TRIM37: variants seen among roughly 807,000 people sequenced by gnomAD.
TRIM37 encodes the protein E3 ubiquitin-protein ligase TRIM37.
Under a neutral mutation model 129.8 loss-of-function variants are expected in TRIM37, and 80 were observed. The ratio of observed to expected loss-of-function variants is 0.62; its 90% CI spans 0.51 to 0.74. TRIM37 has a LOEUF of 0.74. Ranked by LOEUF, TRIM37 falls within the 30% of genes least tolerant of loss-of-function variation. The pLI, the probability that TRIM37 is intolerant of heterozygous loss-of-function variation, is 0.00. For missense variants in TRIM37, 1,054 were observed against 1,176.5 expected, an observed-to-expected ratio of 0.90 and a Z score of 1.52; for synonymous variants, 389 against 387.1, an observed-to-expected ratio of 1.00 and a Z score of -0.06.
intron 8 of TRIM37, among the ~76,000 whole-genome samples, chr17:59,073,687 A>G (rs1232768542): frequency 1.3e-5 from 2 of 152,224 alleles, no homozygotes; most frequent in Non-Finnish European, 2.9e-5. Context: ...GAAGCCTTGA[A>G]TTCCTGGGCT....
intron 12 of TRIM37, 62 bp downstream of exon 12, chr17:59,060,970 A>G: frequency 7.9e-7 from 1 of 1,259,218 alleles, no homozygotes; most frequent in Non-Finnish European, 1.2e-6. Context: ...AAATTAACAA[A>G]AATTGCTAGG....
At chr17:59,085,609 A>C (rs1484973030) in intron 4 of TRIM37, among the ~76,000 whole-genome samples, 1 of 152,194 alleles carries the variant, frequency 6.6e-6, no homozygotes, top group Non-Finnish European at 1.5e-5. Context: ...AAAATGGTAC[A>C]GTCACTATGG....
chr17:58,968,417 G>A, the TRIM37 span, among the ~76,000 whole-genome samples: 10 of 152,028 alleles, frequency 6.6e-5, no homozygotes, highest in South Asian at 2.1e-3. Flanking sequence ...AAAGTGAGAC[G>A]CTGACTCCAA....
intron 5 of TRIM37, among the ~76,000 whole-genome samples, chr17:59,081,955 A>AC (rs1204088877): frequency 9.1e-4 from 107 of 117,566 alleles, no homozygotes; most frequent in Non-Finnish European, 1.7e-3. Context: ...AAAAAAAATA[A>AC]AAAAAAAAAA....
chr17:58,996,469 CAAAA>C (rs776770215), downstream of TRIM37, among the ~76,000 whole-genome samples: 1 of 79,048 alleles, frequency 1.3e-5, no homozygotes. Context: ...GAACCTGTCT[CAAAA>C]AAAAAAAAAA....
chr17:59,001,432 T>G (rs2033740319), intron 23 of TRIM37, among the ~76,000 whole-genome samples, 166 bp downstream of exon 23: 1 of 149,704 alleles, frequency 6.7e-6, no homozygotes, highest in African/African-American at 2.5e-5. Context: ...CCAAAGAATG[T>G]TGTCTCACAA....
intron 16 of TRIM37, among the ~76,000 whole-genome samples, chr17:59,046,623 G>A (rs1219997273): frequency 1.3e-5 from 2 of 149,392 alleles, no homozygotes. Flanking sequence ...TGCAAGCTCC[G>A]CCTCCCGGGT....
chr17:59,060,553 A>G (rs1388222401), intron 12 of TRIM37, among the ~76,000 whole-genome samples: 1 of 152,224 alleles, frequency 6.6e-6, no homozygotes, highest in African/African-American at 2.4e-5. Flanking sequence ...ACAATTATCT[A>G]AAACCACTTT....
In TRIM37 at chr17:59,057,037, T is replaced by G. The variant is rs772711368; in HGVS notation, c.1037A>C (p.Glu346Ala). ...ATCATTACAGGACTGGTGAACCATC[T>G]CTACACGATATTCATATCTAAAATT... The part of the protein sequence containing the change: ...PETSKYEYRV[E>A]MVHQSCNDPT... The change falls in exon 13 of 24, where the codon GAG becomes GCG. Residue 346 changes from glutamate to alanine, a missense_variant. Coordinates refer to ENST00000262294, the MANE Select transcript of TRIM37 (RefSeq NM_015294.6). 5.6e-6 allele frequency: 9 copies of G among 1,613,612 alleles called. 1 individual carries two copies. In the South Asian group the frequency reaches 8.8e-5, roughly 16 times the overall value.
In TRIM37 at chr17:59,098,922, C is replaced by T. The variant is rs185224813; in HGVS notation, c.123+5371G>A. On this transcript the variant is annotated intron_variant, in intron 2 of 23. Coordinates refer to ENST00000262294, the MANE Select transcript of TRIM37 (RefSeq NM_015294.6). ...AAATAGGCTAGGCGCGGTGGCTCAA[C>T]GCCTGTAATCCCAGCACTTTGGGAG... Among the ~76,000 whole-genome samples, 1,092 of 152,172 alleles carry T rather than the reference C, an allele frequency of 7.2e-3. 9 individuals are homozygous for T. Among genetic ancestry groups the T allele is most frequent in the Non-Finnish European group, 0.011 (777 of 67,994 alleles).
chr17:58,998,166 G>A (rs1392435110), downstream of TRIM37: 1 of 967,364 alleles, frequency 1.0e-6, no homozygotes, highest in East Asian at 1.1e-4. Flanking sequence ...AAAAGAAGGG[G>A]TTTCTGGTCC....
In TRIM37 at chr17:59,015,663, T is replaced by G; in HGVS notation, c.2523A>C (p.Ala841=). 6.2e-7 allele frequency: 1 copy of G among 1,614,130 alleles called. No homozygotes were observed. The change falls in exon 21 of 24, where the codon GCA becomes GCC. Residue 841 remains alanine (A), a synonymous_variant. Transcript: ENST00000262294. ...KALDSDAVVV[A]VFSGLPAVEK... ...CAACCGCAGGCAAGCCACTGAAAACTGCAACCACAACAGCATCTGAATCCA... is the reference window on the plus strand; with the variant it reads ...CAACCGCAGGCAAGCCACTGAAAACGGCAACCACAACAGCATCTGAATCCA...
At chr17:59,098,090 G>A (rs2045079234) in intron 2 of TRIM37, among the ~76,000 whole-genome samples, 1 of 152,124 alleles carries the variant, frequency 6.6e-6, no homozygotes, top group Admixed American at 6.5e-5. Context: ...CATAAGAACA[G>A]AAATAGAGAC....
At chr17:58,987,742 A>T (rs146687039) in intron 24 of TRIM37, among the ~76,000 whole-genome samples, 66 of 152,320 alleles carry the variant, frequency 4.3e-4, no homozygotes, top group African/African-American at 1.5e-3. Context: ...TATTTCCCAA[A>T]TTTTTCTAAT....
At chr17:59,014,855 TA>T (rs1567975960) in intron 21 of TRIM37, among the ~76,000 whole-genome samples, 1 of 149,210 alleles carries the variant, frequency 6.7e-6, no homozygotes. Context: ...TTCATCCCAT[TA>T]AAAAAAGTAC....
At chr17:59,048,209 C>G (rs1224513512) in intron 15 of TRIM37, among the ~76,000 whole-genome samples, 1 of 152,142 alleles carries the variant, frequency 6.6e-6, no homozygotes, top group Non-Finnish European at 1.5e-5. Context: ...AAAACTTCCC[C>G]AACTTTTCAG....
chr17:59,081,182 T>C lies in TRIM37; in HGVS notation c.407A>G (p.Tyr136Cys), dbSNP rs1165909505. 2.5e-6 allele frequency: 4 copies of C among 1,614,000 alleles called. No homozygotes were observed. The highest frequency in any genetic ancestry group is 2.5e-6 in the Non-Finnish European group (3 of 1,179,932). ...GHTFKPLAEI[Y>C]EQHVTKVNEE... The stretch of plus-strand genomic sequence containing the variant: ...ATTCACTTTAGTGACGTGTTGCTCA[T>C]AAATTTCTGCCAAAGGTTTAAAGGT... Residue 136 changes from tyrosine to cysteine, a missense_variant, in exon 6 of 24, where the codon TAT (tyrosine) becomes TGT (cysteine). Transcript: ENST00000262294.
chr17:58,999,813 CAT>C (rs1291419733), intron 23 of TRIM37, among the ~76,000 whole-genome samples: 7 of 152,180 alleles, frequency 4.6e-5, no homozygotes, highest in Admixed American at 1.3e-4. Context: ...AAACATAAAA[CAT>C]ATTTCAAAGC....
rs528804109 is a variant in TRIM37, at chr17:58,999,149, A to G, written c.*228T>C. ...TAAATTAATAGAGAACTACATTGTT[A>G]TTTCCTTACATTACAAAGAACTCTT... On this transcript the variant is annotated 3_prime_UTR_variant, in exon 24 of 24. Transcript: ENST00000262294. 3 of 1,363,088 alleles carry G rather than the reference A, an allele frequency of 2.2e-6. No individual in the cohort carries two copies. The African/African-American group carries it at 4.4e-5, about 20-fold the overall frequency. 84.4% of individuals were successfully genotyped at this position (1,363,088 alleles called of 1,614,324 possible).
Sources: gnomAD v4.1 joint callset for allele counts (sites outside exome capture counted in the v4.1 genomes callset) on GRCh38, gnomAD v4.1.1 for gene constraint, MANE v1.5 for transcripts, NCBI Gene and HGNC (gene_info 2026-07-23, HGNC 2026-07-21) for gene names.